PRDM11: variants seen among roughly 807,000 people sequenced by gnomAD.
PRDM11 encodes the protein PR/SET domain 11.
Under a neutral mutation model 97.8 loss-of-function variants are expected in PRDM11, and 20 were observed. The ratio of observed to expected loss-of-function variants is 0.20; its 90% confidence interval spans 0.14 to 0.30. The LOEUF (loss-of-function observed/expected upper bound fraction) is 0.30, where lower values mean the gene tolerates loss of function less well. Ranked by LOEUF, PRDM11 falls within the 10% of genes least tolerant of loss-of-function variation. The pLI, the probability that PRDM11 is intolerant of heterozygous loss-of-function variation, is 1.00. For missense variants in PRDM11, 1,139 were observed against 1,555.2 expected (o/e 0.73, Z 4.50); for synonymous variants, 599 against 637.7 (o/e 0.94, Z 0.91).
In PRDM11 at chr11:45,129,812, C is replaced by A. The variant is rs185959818; in HGVS notation, c.96+33911C>A. ...TATACATATAAAAATGCAAAAAAAA[C>A]CCAGAATAGCCAAAATGATGTTGAA... On this transcript the variant is annotated intron_variant, in intron 1 of 6. Transcript: ENST00000530656. 3.6e-4 allele frequency among the ~76,000 whole-genome samples: 55 copies of A among 151,914 alleles called. No individual in the cohort carries two copies. The East Asian group carries it at 0.01, about 29-fold the overall frequency.
At chr11:45,126,924 C>A (rs1852588513) in intron 1 of PRDM11, among the ~76,000 whole-genome samples, 3 of 152,226 alleles carry the variant, frequency 2.0e-5, no homozygotes, top group African/African-American at 7.2e-5. Context: ...TAATATCCTG[C>A]AGAGTGTTTT....
At chr11:45,175,297 C>T (rs778205134) in intron 1 of PRDM11, among the ~76,000 whole-genome samples, 13 of 152,164 alleles carry the variant, frequency 8.5e-5, no homozygotes, top group Non-Finnish European at 1.6e-4. Context: ...CTATTTGTTC[C>T]TCTCTCCCCG....
intron 4 of PRDM11, among the ~76,000 whole-genome samples, chr11:45,187,284 C>T (rs3758729): frequency 0.33 from 50,760 of 152,032 alleles, 9,672 homozygotes; most frequent in Non-Finnish European, 0.44. Flanking sequence ...GATGGATAGA[C>T]GTTCAACAGA....
intron 6 of PRDM11, among the ~76,000 whole-genome samples, chr11:45,221,619 C>T (rs568513119): frequency 1.3e-5 from 2 of 152,056 alleles, no homozygotes; most frequent in Admixed American, 1.3e-4. Flanking sequence ...GGGGATTGCT[C>T]AGAGAAGGGT....
intron 7 of PRDM11, among the ~76,000 whole-genome samples, chr11:45,225,353 C>T (rs1255879918): frequency 6.6e-6 from 1 of 152,158 alleles, no homozygotes; most frequent in African/African-American, 2.4e-5. Flanking sequence ...AGGCCATTCA[C>T]CTGCATGGCT....
chr11:45,095,525 T>C (rs532773988), upstream of PRDM11, among the ~76,000 whole-genome samples: 1 of 152,308 alleles, frequency 6.6e-6, no homozygotes, highest in East Asian at 1.9e-4. Context: ...TCTCATCATC[T>C]ATTCTCCCCT....
Position 45,224,692 on chromosome 11 carries a change from C to A in PRDM11, c.1218C>A (p.Pro406=). 6.2e-7 allele frequency: 1 copy of A among 1,614,192 alleles called. No homozygotes were observed. Among genetic ancestry groups the A allele is most frequent in the Non-Finnish European group, 8.5e-7 (1 of 1,180,034 alleles). ...ASLASDPHEL[P]TTSFCPNCIR... is the part of the protein sequence containing the mutation. ...TTGCATCTGACCCTCATGAACTTCC[C>A]ACCACCTCTTTTTGCCCTAACTGTA... The change falls in exon 7 of 8, where the codon CCC becomes CCA. Residue 406 remains proline (P), a synonymous_variant. Transcript: ENST00000683152.
At chr11:45,211,219 C>G (rs1252428525) in intron 5 of PRDM11, among the ~76,000 whole-genome samples, 1 of 152,154 alleles carries the variant, frequency 6.6e-6, no homozygotes, top group Non-Finnish European at 1.5e-5. Flanking sequence ...GCTGTCCCAC[C>G]AAACACTGCC....
chr11:45,190,287 C>T (rs1284529295), intron 4 of PRDM11, among the ~76,000 whole-genome samples: 1 of 151,958 alleles, frequency 6.6e-6, no homozygotes, highest in African/African-American at 2.4e-5. Context: ...GCTGGGACTA[C>T]AGGCGCACAC....
At chr11:45,116,161 A>C (rs1428491794) in intron 1 of PRDM11, among the ~76,000 whole-genome samples, 1 of 152,186 alleles carries the variant, frequency 6.6e-6, no homozygotes, top group African/African-American at 2.4e-5. Context: ...GACTAGACTA[A>C]AGGGAGAAAT....
chr11:45,181,949 G>A (rs1169715337), intron 2 of PRDM11, 64 bp downstream of exon 2: 9 of 1,462,550 alleles, frequency 6.2e-6, no homozygotes, highest in African/African-American at 2.8e-5. Context: ...GGGCTCGGTT[G>A]GTTGGGAACC....
intron 1 of PRDM11, among the ~76,000 whole-genome samples, chr11:45,105,179 C>G (rs1248071788): frequency 6.6e-6 from 1 of 152,230 alleles, no homozygotes; most frequent in Non-Finnish European, 1.5e-5. Context: ...AGAGCTCCCT[C>G]AGACCTATTT....
intron 5 of PRDM11, chr11:45,213,149 G>A: frequency 2.2e-6 from 1 of 456,678 alleles, no homozygotes; most frequent in Non-Finnish European, 4.4e-6. Context: ...ACCCTTGTAG[G>A]ACACTGGGGG....
upstream of PRDM11, among the ~76,000 whole-genome samples, chr11:45,145,769 C>T (rs1239665206): frequency 1.3e-5 from 2 of 152,192 alleles, no homozygotes; most frequent in Non-Finnish European, 2.9e-5. Context: ...GTGTCCCTTG[C>T]CCTCCTCCAA....
chr11:45,200,815 A>AT (rs2135787055), intron 4 of PRDM11, among the ~76,000 whole-genome samples: 1 of 152,296 alleles, frequency 6.6e-6, no homozygotes, highest in African/African-American at 2.4e-5. Context: ...GTTTTCTGAG[A>AT]TTTTTAAAAC....
intron 1 of PRDM11, among the ~76,000 whole-genome samples, chr11:45,101,564 A>AG (rs1554963199): frequency 9.2e-6 from 1 of 108,546 alleles, no homozygotes; most frequent in African/African-American, 5.1e-5. Flanking sequence ...TCAAAAAAAA[A>AG]AAAAAGAAGA....
intron 1 of PRDM11, among the ~76,000 whole-genome samples, chr11:45,131,297 G>C (rs1022211056): frequency 6.6e-6 from 1 of 152,188 alleles, no homozygotes; most frequent in Non-Finnish European, 1.5e-5. Context: ...TCTGTTTCTT[G>C]ATTTGGGTGT....
At chr11:45,122,447 G>A (rs4282971) in intron 1 of PRDM11, among the ~76,000 whole-genome samples, 64,970 of 149,998 alleles carry the variant, frequency 0.43, 17,048 homozygotes, top group Non-Finnish European at 0.58. Flanking sequence ...CCATTAACTC[G>A]TCATTTAGCA....
intron 1 of PRDM11, among the ~76,000 whole-genome samples, chr11:45,158,405 A>G (rs1336407937): frequency 6.6e-6 from 1 of 152,170 alleles, no homozygotes; most frequent in Non-Finnish European, 1.5e-5. Flanking sequence ...GCTGGGCCCC[A>G]GCAGCAGGCC....
Sources: gnomAD v4.1 joint callset for allele counts (sites outside exome capture counted in the v4.1 genomes callset) on GRCh38, gnomAD v4.1.1 for gene constraint, MANE v1.5 for transcripts, NCBI Gene and HGNC (gene_info 2026-07-23, HGNC 2026-07-21) for gene names.